TDRD9: variants seen among roughly 807,000 people sequenced by gnomAD.
TDRD9 encodes ATP-dependent RNA helicase TDRD9.
A neutral mutation model predicts 172.6 loss-of-function variants in TDRD9; 124 were observed. That is an observed-to-expected ratio of 0.72 (90% CI 0.62 to 0.83). TDRD9 has a LOEUF of 0.83. Ranked by LOEUF, TDRD9 falls within the 40% of genes least tolerant of loss-of-function variation. TDRD9 has a pLI of 0.00. For synonymous variants in TDRD9, 619 were observed against 617.1 expected, an observed-to-expected ratio of 1.00 and a Z score of -0.05; for missense variants, 1,479 against 1,714.1, an observed-to-expected ratio of 0.86 and a Z score of 2.42.
At chr14:103,939,669 T>A (rs1249404766) in intron 1 of TDRD9, 1 of 127,522 alleles carries the variant, frequency 7.8e-6, no homozygotes, top group Non-Finnish European at 1.6e-5. Flanking sequence ...GAGAATAAAG[T>A]TAGGAGGGTT....
chr14:104,026,015 G>C, intron 26 of TDRD9, 32 bp from the exon 27 acceptor site: 1 of 1,433,832 alleles, frequency 7.0e-7, no homozygotes, highest in Non-Finnish European at 9.8e-7. Flanking sequence ...TTTTGACCCC[G>C]TCGTAAAGTG....
chr14:104,027,065 G>C (rs1204242387), intron 28 of TDRD9, 126 bp downstream of exon 28: 2 of 1,069,648 alleles, frequency 1.9e-6, no homozygotes, highest in East Asian at 5.2e-5. Context: ...TTGGTTTGCT[G>C]TACTTGTGTT....
intron 34 of TDRD9, among the ~76,000 whole-genome samples, chr14:104,043,656 C>A (rs1171699081): frequency 6.6e-6 from 1 of 152,174 alleles, no homozygotes; most frequent in African/African-American, 2.4e-5. Flanking sequence ...GTTGTAGCCA[C>A]CATCACTCCC....
chr14:103,973,200 A>C (rs568393070), intron 6 of TDRD9, among the ~76,000 whole-genome samples: 4 of 152,332 alleles, frequency 2.6e-5, no homozygotes, highest in Admixed American at 1.3e-4. Flanking sequence ...ATAGAAACTT[A>C]TATGGTACAT....
rs892123663 is a variant in TDRD9 at position 103,941,737 on chromosome 14, A to C, written c.215+13013A>C. 7 of 1,375,450 alleles carry C rather than the reference A, an allele frequency of 5.1e-6. No individual in the cohort carries two copies. The East Asian group carries it at 1.0e-4, about 20-fold the overall frequency. 85.2% of individuals were successfully genotyped at this position (1,375,450 alleles called of 1,614,324 possible). A position where few individuals can be genotyped will look rare whatever the true frequency, so the allele number is the denominator to read the frequency against. On this transcript the variant is annotated intron_variant, in intron 1 of 35. Transcript: ENST00000409874. ...TATTTTCACTTGTTTATTTGCTCAA[A>C]ATGTTATGTTCTTCTGAGCAAATAT...
At chr14:103,976,042 C>G (rs1210530585) in intron 7 of TDRD9, among the ~76,000 whole-genome samples, 1 of 152,138 alleles carries the variant, frequency 6.6e-6, no homozygotes, top group Non-Finnish European at 1.5e-5. Context: ...CTATTTCCCC[C>G]CCTTCCCAGC....
chr14:103,968,804 A>AG (rs1566747289), intron 5 of TDRD9, among the ~76,000 whole-genome samples: 3 of 123,572 alleles, frequency 2.4e-5, no homozygotes, highest in African/African-American at 8.7e-5. Context: ...TCAAAAAAAA[A>AG]GAATAAAGTA....
At chr14:104,027,191 T>C (rs1219483493) in intron 28 of TDRD9, among the ~76,000 whole-genome samples, 1 of 152,118 alleles carries the variant, frequency 6.6e-6, no homozygotes, top group African/African-American at 2.4e-5. Flanking sequence ...TTTAGCTTAT[T>C]TTTAAAAATT....
intron 32 of TDRD9, among the ~76,000 whole-genome samples, chr14:104,037,034 T>A (rs2035470802): frequency 6.6e-6 from 1 of 152,122 alleles, no homozygotes; most frequent in East Asian, 1.9e-4. Flanking sequence ...GGTTGGAGTT[T>A]TTTTTTTTTA....
rs996068752 is a variant in TDRD9, at chr14:104,004,245, T to C, written c.1491T>C (p.Ala497=). Residue 497 remains alanine, a synonymous_variant, in exon 14 of 36, where the codon GCT becomes GCC. Coordinates refer to ENST00000409874, the MANE Select transcript of TDRD9 (RefSeq NM_153046.3). ...CACATCTCTCCTTTGAAGGCCGTGC[T>C]GGACGAGTGTCTAGAGGGTACTGTT... ...KTSCNQRKGR[A]GRVSRGYCYR... The C allele has an allele frequency of 6.3e-7, 1 of 1,578,078 alleles. No homozygotes were observed.
chr14:104,040,224 G>A lies in TDRD9; in HGVS notation c.3745G>A (p.Gly1249Arg). 3.2e-6 allele frequency: 5 copies of A among 1,550,808 alleles called. No individual in the cohort carries two copies. The highest frequency in any genetic ancestry group is 4.4e-6 in the Non-Finnish European group (5 of 1,146,490). Reference protein sequence around the residue: ...RIDQNGKYYTGVLCGLGWNPA... With the variant: ...RIDQNGKYYTRVLCGLGWNPA... ...TGATCAGAATGGCAAGTACTATACT[G>A]GAGTCCTTTGTGGTTTGGGGTGGAA... Residue 1249 changes from glycine to arginine, a missense_variant, in exon 33 of 36, where the codon GGA becomes AGA. Physicochemically the swap from Gly to Arg is moderately radical, Grantham distance 125 (BLOSUM62 -2). Coordinates refer to ENST00000409874, the MANE Select transcript of TDRD9 (RefSeq NM_153046.3).
chr14:103,985,349 T>C (rs768560208), intron 7 of TDRD9, among the ~76,000 whole-genome samples: 39 of 152,218 alleles, frequency 2.6e-4, no homozygotes, highest in Admixed American at 2.6e-3. Flanking sequence ...GCTGTTCTTA[T>C]GATAGTGAGT....
At chr14:104,046,935 C>T (rs193289970) in intron 34 of TDRD9, among the ~76,000 whole-genome samples, 10 of 152,302 alleles carry the variant, frequency 6.6e-5, no homozygotes, top group East Asian at 3.9e-4. Flanking sequence ...CGTGAGCCAC[C>T]GCACCTGGCC....
intron 1 of TDRD9, among the ~76,000 whole-genome samples, chr14:103,952,913 T>A (rs1292878163): frequency 6.6e-6 from 1 of 151,830 alleles, no homozygotes; most frequent in African/African-American, 2.4e-5. Context: ...CTAAATTTTG[T>A]ATTTTTAGTA....
intron 30 of TDRD9, among the ~76,000 whole-genome samples, chr14:104,032,694 C>A (rs907203281): frequency 6.6e-6 from 1 of 152,156 alleles, no homozygotes; most frequent in Non-Finnish European, 1.5e-5. Flanking sequence ...ATGCCAGGAG[C>A]AGTGTGTGGT....
At chr14:103,991,272 G>A (rs375852238) in intron 9 of TDRD9, 48 bp downstream of exon 9, 63 of 1,596,748 alleles carry the variant, frequency 3.9e-5, no homozygotes, top group Non-Finnish European at 5.2e-5. Context: ...ACTCTGGAGA[G>A]AGGCTAAGTT....
intron 23 of TDRD9, among the ~76,000 whole-genome samples, chr14:104,019,924 C>T (rs1223661191): frequency 6.6e-6 from 1 of 152,134 alleles, no homozygotes; most frequent in African/African-American, 2.4e-5. Context: ...GGGTAGACGT[C>T]GGAGGGTTGT....
intron 34 of TDRD9, among the ~76,000 whole-genome samples, chr14:104,047,497 A>G: frequency 6.6e-6 from 1 of 152,198 alleles, no homozygotes; most frequent in East Asian, 1.9e-4. Flanking sequence ...CTCTTTAGCT[A>G]CCATTTGTGA....
At chr14:103,992,363 A>T (rs1350887477) in intron 9 of TDRD9, among the ~76,000 whole-genome samples, 1 of 152,242 alleles carries the variant, frequency 6.6e-6, no homozygotes, top group Non-Finnish European at 1.5e-5. Context: ...TTGGAATGCA[A>T]CATATGAGTT....
Sources: gnomAD v4.1 joint callset for allele counts (sites outside exome capture counted in the v4.1 genomes callset) on GRCh38, gnomAD v4.1.1 for gene constraint, MANE v1.5 for transcripts, NCBI Gene and HGNC (gene_info 2026-07-23, HGNC 2026-07-21) for gene names.